KIF5C: variants seen among roughly 807,000 people sequenced by gnomAD.
KIF5C encodes kinesin family member 5C.
In KIF5C, 18 loss-of-function variants were observed where a neutral mutation model predicts 125.2. The ratio of observed to expected loss-of-function variants is 0.14; its 90% CI spans 0.10 to 0.21. The LOEUF is 0.21. Among genes scored for constraint, KIF5C ranks in the 10% least tolerant of loss-of-function variants. The probability of loss-of-function intolerance (pLI) is 1.00; values close to 1 mark genes in which losing one functional copy is unlikely to be tolerated. For missense variants in KIF5C, 780 were observed against 1,183.8 expected, an observed-to-expected ratio of 0.66 and a Z score of 5.01; for synonymous variants, 405 against 434.0, an observed-to-expected ratio of 0.93 and a Z score of 0.83.
intron 1 of KIF5C, among the ~76,000 whole-genome samples, chr2:148,904,880 G>C (rs891547565): frequency 6.6e-6 from 1 of 152,182 alleles, no homozygotes; most frequent in Non-Finnish European, 1.5e-5. Flanking sequence ...ATTGAATCAG[G>C]TAGTGGAAAG....
intron 1 of KIF5C, among the ~76,000 whole-genome samples, chr2:148,891,844 T>C (rs978720558): frequency 1.3e-5 from 2 of 152,140 alleles, no homozygotes; most frequent in African/African-American, 4.8e-5. Context: ...ATTACAGGCA[T>C]GCACCACCAT....
At chr2:149,012,023 A>G (rs889387826) in intron 25 of KIF5C, among the ~76,000 whole-genome samples, 5 of 152,204 alleles carry the variant, frequency 3.3e-5, no homozygotes, top group African/African-American at 1.2e-4. Context: ...CTGTTTGTCA[A>G]CTGCTTTACC....
chr2:148,938,126 G>A (rs150369502), intron 4 of KIF5C, among the ~76,000 whole-genome samples: 72 of 152,260 alleles, frequency 4.7e-4, no homozygotes, highest in African/African-American at 1.7e-3. Context: ...ATATTCATTG[G>A]AACACCTCTT....
chr2:148,970,053 A>C (rs558972785), intron 11 of KIF5C, among the ~76,000 whole-genome samples: 1 of 152,312 alleles, frequency 6.6e-6, no homozygotes, highest in Admixed American at 6.5e-5. Context: ...TGACCTTTAG[A>C]ATATAAACTG....
In KIF5C at chr2:149,007,837, C is replaced by T. The variant is rs978310284; in HGVS notation, c.2446-126C>T. 4 of 1,094,982 alleles carry T rather than the reference C, an allele frequency of 3.7e-6. No individual in the cohort carries two copies. In the African/African-American group the frequency reaches 6.3e-5, roughly 17 times the overall value. 67.8% of individuals were successfully genotyped at this position (1,094,982 alleles called of 1,614,324 possible). A position where few individuals can be genotyped will look rare whatever the true frequency, so the allele number is the denominator to read the frequency against. On this transcript the variant is annotated intron_variant, in intron 22 of 25. Coordinates refer to ENST00000435030, the MANE Select transcript of KIF5C (RefSeq NM_004522.3). Reference sequence around the variant, plus strand: ...ATTTCTTGAGTCTAAACTTTTAGAACCTCTATTTTCACTTTCAGAATACCC... The same window carrying T: ...ATTTCTTGAGTCTAAACTTTTAGAATCTCTATTTTCACTTTCAGAATACCC...
At chr2:148,948,143 C>G (rs896422123) in intron 8 of KIF5C, among the ~76,000 whole-genome samples, 2 of 150,486 alleles carry the variant, frequency 1.3e-5, no homozygotes, top group African/African-American at 4.9e-5. Flanking sequence ...GTCAGGAGAT[C>G]GAGACCATCC....
intron 19 of KIF5C, 158 bp downstream of exon 19, chr2:148,998,667 T>C: frequency 4.0e-6 from 5 of 1,236,168 alleles, no homozygotes; most frequent in Non-Finnish European, 5.5e-6. Context: ...GCTTCCAAGG[T>C]CTGTTCTCCG....
intron 21 of KIF5C, among the ~76,000 whole-genome samples, chr2:149,002,072 C>T (rs7571489): frequency 0.016 from 2,425 of 152,304 alleles, 64 homozygotes; most frequent in African/African-American, 0.055. Context: ...GGGCTGCTGC[C>T]GGGGAACCCG....
intron 16 of KIF5C, 147 bp downstream of exon 16, chr2:148,991,345 G>C (rs1681522248): frequency 8.7e-6 from 12 of 1,377,344 alleles, no homozygotes; most frequent in Non-Finnish European, 1.1e-5. Context: ...GGCAGCCCAG[G>C]TCTATTCCTA....
intron 1 of KIF5C, among the ~76,000 whole-genome samples, chr2:148,921,578 T>C (rs1681786943): frequency 6.6e-6 from 1 of 152,204 alleles, no homozygotes; most frequent in Non-Finnish European, 1.5e-5. Flanking sequence ...CTGCCTAGGA[T>C]GCGCTTCTAC....
At position 149,010,195 on chromosome 2, in the gene KIF5C, G is replaced by A; in HGVS notation, c.2611G>A (p.Ala871Thr). The change falls in exon 24 of 26, where the codon GCC becomes ACC. Residue 871 changes from alanine to threonine, a missense_variant. Coordinates refer to ENST00000435030, the MANE Select transcript of KIF5C (RefSeq NM_004522.3). ...ELPKLEKRLR[A>T]TAERVKALES... ...GCCCAAGCTGGAGAAGCGGCTGCGTGCCACGGCGGAGCGCGTCAAGGCTCT... is the reference window on the plus strand; with the variant it reads ...GCCCAAGCTGGAGAAGCGGCTGCGTACCACGGCGGAGCGCGTCAAGGCTCT... 1 of 1,556,444 alleles carries A rather than the reference G, an allele frequency of 6.4e-7. No homozygotes were observed. Among genetic ancestry groups the A allele is most frequent in the Non-Finnish European group, 8.7e-7 (1 of 1,150,348 alleles).
chr2:148,931,576 T>C (rs767275830), intron 3 of KIF5C, among the ~76,000 whole-genome samples: 12 of 152,198 alleles, frequency 7.9e-5, no homozygotes, highest in Non-Finnish European at 1.6e-4. Context: ...TGCAGGAGAA[T>C]TGTTTGAACT....
chr2:149,003,486 C>T (rs996275552), intron 21 of KIF5C, among the ~76,000 whole-genome samples: 4 of 152,350 alleles, frequency 2.6e-5, no homozygotes, highest in Admixed American at 2.0e-4. Flanking sequence ...ACTTGTATTC[C>T]CTCCTTGCTG....
chr2:148,978,334 G>GTT (rs71406035), intron 12 of KIF5C, among the ~76,000 whole-genome samples: 6,983 of 78,606 alleles, frequency 0.089, 966 homozygotes, highest in African/African-American at 0.099. Context: ...CTGCCCTGAG[G>GTT]TTTTTTTTTT....
At chr2:149,012,883 T>C (rs1682253190) in intron 25 of KIF5C, among the ~76,000 whole-genome samples, 1 of 152,238 alleles carries the variant, frequency 6.6e-6, no homozygotes. Flanking sequence ...AGTTAGAAAG[T>C]TGCTTTTGAC....
chr2:148,896,305 C>CTGCAAACAA (rs1681841100), intron 1 of KIF5C, among the ~76,000 whole-genome samples: 1 of 152,184 alleles, frequency 6.6e-6, no homozygotes. Flanking sequence ...TGAGCTAAGC[C>CTGCAAACAA]TGCAAACAAA....
chr2:148,964,683 G>A (rs939569681), intron 11 of KIF5C, among the ~76,000 whole-genome samples: 2 of 152,062 alleles, frequency 1.3e-5, no homozygotes, highest in Admixed American at 6.6e-5. Flanking sequence ...TGTGAGAAGC[G>A]CAGTTAGCCA....
chr2:148,973,850 C>T (rs530531040), intron 12 of KIF5C, among the ~76,000 whole-genome samples: 1 of 152,210 alleles, frequency 6.6e-6, no homozygotes, highest in East Asian at 1.9e-4. Flanking sequence ...CTTCTCTGGG[C>T]CTATCCTTCA....
intron 11 of KIF5C, 99 bp from the exon 12 acceptor site, chr2:148,973,237 G>A: frequency 1.4e-6 from 2 of 1,455,388 alleles, no homozygotes; most frequent in South Asian, 2.9e-5. Context: ...TGTGTCTTCT[G>A]TGTATTTTTC....
Sources: allele counts gnomAD v4.1 joint callset (sites outside exome capture counted in the v4.1 genomes callset), GRCh38; gene constraint gnomAD v4.1.1; transcripts MANE v1.5; gene names NCBI Gene and HGNC (gene_info 2026-07-23, HGNC 2026-07-21).